Variants in ENOX1 observed in about 807,000 individuals in gnomAD.
The protein encoded by ENOX1 is ecto-NOX disulfide-thiol exchanger 1.
ENOX1 carries 42 observed loss-of-function variants against 82.5 expected under a neutral mutation model. The ratio of observed to expected loss-of-function variants is 0.51; its 90% confidence interval spans 0.40 to 0.66. ENOX1 has a LOEUF of 0.66. Among genes scored for constraint, ENOX1 ranks in the 30% least tolerant of loss-of-function variants. The probability of loss-of-function intolerance (pLI) is 0.00; values close to 1 mark genes in which losing one functional copy is unlikely to be tolerated. For missense variants in ENOX1, 608 were observed against 811.6 expected, an observed-to-expected ratio of 0.75 and a Z score of 3.05; for synonymous variants, 271 against 282.2, an observed-to-expected ratio of 0.96 and a Z score of 0.40.
At chr13:43,234,038 T>C (rs922304637) in intron 15 of ENOX1, among the ~76,000 whole-genome samples, 2 of 152,198 alleles carry the variant, frequency 1.3e-5, no homozygotes, top group African/African-American at 4.8e-5. Flanking sequence ...TCTATTCTGA[T>C]CCAGAGCAGT....
At chr13:43,680,872 A>G (rs1296697616) in intron 1 of ENOX1, among the ~76,000 whole-genome samples, 1 of 151,788 alleles carries the variant, frequency 6.6e-6, no homozygotes, top group Non-Finnish European at 1.5e-5. Flanking sequence ...AACCTTCATC[A>G]TTATTCTTGT....
At chr13:43,768,981 A>G (rs1420206606) in intron 1 of ENOX1, among the ~76,000 whole-genome samples, 1 of 152,238 alleles carries the variant, frequency 6.6e-6, no homozygotes. Flanking sequence ...AGTATCAGTG[A>G]AAATAAAATA....
intron 1 of ENOX1, among the ~76,000 whole-genome samples, chr13:43,710,144 G>C (rs1361413311): frequency 6.6e-6 from 1 of 152,048 alleles, no homozygotes; most frequent in African/African-American, 2.4e-5. Flanking sequence ...AAATAGGAGG[G>C]GAGAGGAAAA....
chr13:43,475,172 A>T (rs2058228012), intron 3 of ENOX1, among the ~76,000 whole-genome samples: 1 of 152,182 alleles, frequency 6.6e-6, no homozygotes, highest in Non-Finnish European at 1.5e-5. Context: ...AAATTTGACC[A>T]TTAAGAAAAT....
intron 1 of ENOX1, among the ~76,000 whole-genome samples, chr13:43,777,764 G>A (rs1394470528): frequency 6.6e-6 from 1 of 151,628 alleles, no homozygotes; most frequent in African/African-American, 2.4e-5. Context: ...TGGTCTGGCT[G>A]GTCTCGAACT....
chr13:43,422,316 T>C (rs2055025194), intron 3 of ENOX1, among the ~76,000 whole-genome samples: 1 of 152,046 alleles, frequency 6.6e-6, no homozygotes, highest in African/African-American at 2.4e-5. Context: ...AATAACTGCA[T>C]CTCCAGACCC....
intron 3 of ENOX1, among the ~76,000 whole-genome samples, chr13:43,436,233 T>C (rs746422575): frequency 6.6e-6 from 1 of 152,200 alleles, no homozygotes; most frequent in Non-Finnish European, 1.5e-5. Flanking sequence ...TGCTGGTTTA[T>C]CAACTAGAAA....
At chr13:43,539,362 G>A (rs2153692979) in intron 2 of ENOX1, among the ~76,000 whole-genome samples, 1 of 152,182 alleles carries the variant, frequency 6.6e-6, no homozygotes, top group South Asian at 2.1e-4. Flanking sequence ...ATTTTGATAT[G>A]TCGACATTTC....
At chr13:43,264,969 T>G (rs1178141943) in intron 14 of ENOX1, among the ~76,000 whole-genome samples, 1 of 152,234 alleles carries the variant, frequency 6.6e-6, no homozygotes, top group African/African-American at 2.4e-5. Flanking sequence ...AGGGCTATTC[T>G]GAGAGAAGGG....
In ENOX1 at chr13:43,778,828, T is replaced by A. The variant is rs543230821; in HGVS notation, c.-285+7824A>T. On this transcript the variant is annotated intron_variant, in intron 1 of 16. Transcript: ENST00000690772. ...GCCCTTTCAGGGGTGCCAAGTCCAATGGGCAGGGCAGGGCAGGGCAACAGG... is the reference window on the plus strand; with the variant it reads ...GCCCTTTCAGGGGTGCCAAGTCCAAAGGGCAGGGCAGGGCAGGGCAACAGG... 5.9e-5 allele frequency among the ~76,000 whole-genome samples: 9 copies of A among 152,216 alleles called. No individual in the cohort carries two copies. The South Asian group carries it at 1.9e-3, about 32-fold the overall frequency.
chr13:43,701,132 G>A (rs181676864), intron 1 of ENOX1, among the ~76,000 whole-genome samples: 23 of 152,214 alleles, frequency 1.5e-4, no homozygotes, highest in African/African-American at 5.1e-4. Flanking sequence ...GAGACTCCAC[G>A]AAAGTGCATT....
intron 14 of ENOX1, among the ~76,000 whole-genome samples, chr13:43,255,541 C>T (rs111960249): frequency 7.6e-4 from 115 of 152,114 alleles, no homozygotes; most frequent in African/African-American, 2.7e-3. Context: ...CCTAATGACT[C>T]GGCCAAAAAA....
chr13:43,237,826 A>ATTACAG (rs1226776444), intron 14 of ENOX1, among the ~76,000 whole-genome samples: 1 of 152,208 alleles, frequency 6.6e-6, no homozygotes. Flanking sequence ...TAAACCCAGC[A>ATTACAG]CATGCCATCA....
intron 2 of ENOX1, among the ~76,000 whole-genome samples, chr13:43,516,463 G>A (rs2077564872): frequency 6.6e-6 from 1 of 152,152 alleles, no homozygotes. Context: ...GAAACAGCTT[G>A]TGAATTCAGT....
chr13:43,439,004 T>C (rs1483678766), intron 3 of ENOX1, among the ~76,000 whole-genome samples: 2 of 151,502 alleles, frequency 1.3e-5, no homozygotes, highest in Admixed American at 6.6e-5. Context: ...TATTATTGTG[T>C]GAGAAATTTA....
At chr13:43,624,041 C>T (rs2082861567) in intron 2 of ENOX1, among the ~76,000 whole-genome samples, 1 of 152,104 alleles carries the variant, frequency 6.6e-6, no homozygotes. Flanking sequence ...TTTTACATTC[C>T]CACCAGCAAT....
chr13:43,512,735 A>G (rs78596849), intron 2 of ENOX1, among the ~76,000 whole-genome samples: 8 of 151,726 alleles, frequency 5.3e-5, no homozygotes, highest in Middle Eastern at 3.4e-3. Flanking sequence ...TTTGCATAGC[A>G]GTCACATCAG....
chr13:43,500,477 C>G (rs1270705171), intron 2 of ENOX1, among the ~76,000 whole-genome samples: 1 of 151,950 alleles, frequency 6.6e-6, no homozygotes, highest in Non-Finnish European at 1.5e-5. Flanking sequence ...AATACTATAT[C>G]TGGTAAAAAT....
chr13:43,635,494 G>A (rs921397852), intron 2 of ENOX1, among the ~76,000 whole-genome samples: 1 of 152,162 alleles, frequency 6.6e-6, no homozygotes, highest in Admixed American at 6.5e-5. Flanking sequence ...AAGAATAAAT[G>A]TATGACTTTT....
Sources: gnomAD v4.1 joint callset for allele counts (sites outside exome capture counted in the v4.1 genomes callset) on GRCh38, gnomAD v4.1.1 for gene constraint, MANE v1.5 for transcripts, NCBI Gene and HGNC (gene_info 2026-07-23, HGNC 2026-07-21) for gene names.